Variants in ELOVL2 observed in about 807,000 individuals in gnomAD.
ELOVL2 encodes ELOVL fatty acid elongase 2.
Under a neutral mutation model 37.7 loss-of-function variants are expected in ELOVL2, and 38 were observed. The observed-to-expected ratio is 1.01, with a 90% CI of 0.78 to 1.32. The LOEUF is 1.32. Among genes scored for constraint, ELOVL2 ranks in the 40% most tolerant of loss-of-function variants. ELOVL2 has a pLI of 0.00. For missense variants in ELOVL2, 352 were observed against 363.6 expected (o/e 0.97, Z 0.26); for synonymous variants, 115 against 122.3 (o/e 0.94, Z 0.40).
chr6:11,007,837 C>T (rs1003185010), intron 2 of ELOVL2, among the ~76,000 whole-genome samples: 1 of 152,192 alleles, frequency 6.6e-6, no homozygotes, highest in African/African-American at 2.4e-5. Flanking sequence ...TATCCATTGG[C>T]ACATTGAGTC....
At chr6:11,040,774 G>A (rs1561731224) in intron 1 of ELOVL2, among the ~76,000 whole-genome samples, 2 of 151,932 alleles carry the variant, frequency 1.3e-5, no homozygotes, top group Non-Finnish European at 2.9e-5. Flanking sequence ...ACACATAAAG[G>A]GCACCATCAT....
chr6:11,011,973 T>C (rs58103768), intron 1 of ELOVL2, among the ~76,000 whole-genome samples: 12,666 of 152,174 alleles, frequency 0.083, 1,678 homozygotes, highest in African/African-American at 0.28. Flanking sequence ...ATATGGAGCA[T>C]GCATTAGATT....
chr6:11,036,305 C>G (rs1254536680), intron 1 of ELOVL2, among the ~76,000 whole-genome samples: 1 of 152,140 alleles, frequency 6.6e-6, no homozygotes, highest in Non-Finnish European at 1.5e-5. Flanking sequence ...AACAGAGAAA[C>G]ATGGCTTCCA....
intron 2 of ELOVL2, among the ~76,000 whole-genome samples, chr6:11,007,840 A>G (rs1782506046): frequency 6.6e-6 from 1 of 152,228 alleles, no homozygotes; most frequent in Non-Finnish European, 1.5e-5. Flanking sequence ...CCATTGGCAC[A>G]TTGAGTCAAG....
At chr6:11,013,408 CACAAAGTCCTAG>C (rs1490269334) in intron 1 of ELOVL2, among the ~76,000 whole-genome samples, 2 of 152,180 alleles carry the variant, frequency 1.3e-5, no homozygotes, top group East Asian at 3.9e-4. Context: ...GAGCTTGGAC[CACAAAGTCCTAG>C]CTGCACACTA....
chr6:10,991,104 G>C (rs1458189885), intron 5 of ELOVL2, among the ~76,000 whole-genome samples: 5 of 152,218 alleles, frequency 3.3e-5, no homozygotes, highest in East Asian at 1.9e-4. Flanking sequence ...AAACGTCTCT[G>C]TAACTGCCTC....
At chr6:11,010,719 C>A in intron 2 of ELOVL2, 27 bp downstream of exon 2, 1 of 1,578,442 alleles carries the variant, frequency 6.3e-7, no homozygotes, top group Non-Finnish European at 8.7e-7. Context: ...GTTCCTTCCA[C>A]ATTAAGTTCT....
chr6:11,000,484 T>C (rs1782361804), intron 3 of ELOVL2, among the ~76,000 whole-genome samples: 1 of 152,240 alleles, frequency 6.6e-6, no homozygotes, highest in Non-Finnish European at 1.5e-5. Context: ...ACAAGTGTAA[T>C]GTAGAATTAG....
chr6:11,033,188 GT>G (rs1782959013), intron 1 of ELOVL2, among the ~76,000 whole-genome samples: 2 of 151,900 alleles, frequency 1.3e-5, no homozygotes, highest in African/African-American at 4.8e-5. Flanking sequence ...CACTTATTTA[GT>G]TTTTTACTCC....
intron 1 of ELOVL2, among the ~76,000 whole-genome samples, chr6:11,017,520 C>T (rs1365147452): frequency 6.6e-6 from 1 of 152,104 alleles, no homozygotes; most frequent in African/African-American, 2.4e-5. Flanking sequence ...CAGGACAGTC[C>T]CATTCAATTA....
In ELOVL2 at chr6:10,983,575, GGAGGTGAGCATCA is replaced by G. The variant is rs1781984515; in HGVS notation, c.*193_*205del. ...AAGCTGCACCAGTTCTGAGGTCCTCGGAGGTGAGCATCACCTCAATGCTGATCAAAGCATTCAG... is the reference window on the plus strand; with the variant it reads ...AAGCTGCACCAGTTCTGAGGTCCTCGCCTCAATGCTGATCAAAGCATTCAG... On this transcript the variant is annotated 3_prime_UTR_variant, in exon 8 of 8. Transcript: ENST00000354666. The G allele has an allele frequency of 2.2e-6, 1 of 464,208 alleles. No homozygotes were observed. Among genetic ancestry groups the G allele is most frequent in the East Asian group, 4.1e-5 (1 of 24,248 alleles). 28.8% of individuals were successfully genotyped at this position (464,208 alleles called of 1,614,324 possible).
Position 11,005,450 on chromosome 6 carries a change from T to C in ELOVL2, c.177A>G (p.Arg59=), listed in dbSNP as rs771483837. 2 of 1,613,912 alleles carry C rather than the reference T, an allele frequency of 1.2e-6. No homozygotes were observed. Among genetic ancestry groups the C allele is most frequent in the Non-Finnish European group, 1.7e-6 (2 of 1,179,834 alleles). Residue 59 remains arginine (R), a synonymous_variant, in exon 3 of 8, where the codon AGA becomes AGG. Transcript: ENST00000354666. The stretch of plus-strand genomic sequence containing the variant: ...GGATACCCCTGAGAGAAAGAGCAGG[T>C]CTGTTCTTCATATACTTGTTACCCA... ...IWLGNKYMKN[R]PALSLRGILT... is the part of the protein sequence containing the mutation.
intron 2 of ELOVL2, among the ~76,000 whole-genome samples, chr6:11,010,265 G>A (rs571394227): frequency 9.2e-5 from 14 of 151,998 alleles, no homozygotes; most frequent in Admixed American, 3.3e-4. Flanking sequence ...CTCATGATCC[G>A]CCCACCTCAG....
intron 1 of ELOVL2, among the ~76,000 whole-genome samples, chr6:11,018,762 T>G (rs991598044): frequency 2.0e-5 from 3 of 152,228 alleles, no homozygotes. Flanking sequence ...GTGTTTCTAT[T>G]ACAAAAATAC....
intron 1 of ELOVL2, among the ~76,000 whole-genome samples, chr6:11,012,927 A>G (rs1275189841): frequency 6.6e-6 from 1 of 152,240 alleles, no homozygotes. Context: ...CTTAAATATT[A>G]TAAGAGATGT....
chr6:11,003,618 T>C (rs918975878), intron 3 of ELOVL2, among the ~76,000 whole-genome samples: 3 of 152,218 alleles, frequency 2.0e-5, no homozygotes, highest in African/African-American at 7.2e-5. Flanking sequence ...CTGTCACTTA[T>C]GGAAAACAAT....
intron 1 of ELOVL2, among the ~76,000 whole-genome samples, chr6:11,033,495 G>A (rs1366021152): frequency 6.6e-6 from 1 of 152,216 alleles, no homozygotes; most frequent in Non-Finnish European, 1.5e-5. Context: ...GCAATTTGAT[G>A]TAGGTGGTTG....
chr6:10,996,472 A>T (rs1010363527), intron 4 of ELOVL2, among the ~76,000 whole-genome samples: 21 of 152,030 alleles, frequency 1.4e-4, no homozygotes, highest in Non-Finnish European at 2.5e-4. Flanking sequence ...GTTAAAGACC[A>T]TCCTGGCTAA....
chr6:11,034,271 T>C (rs1035442746), intron 1 of ELOVL2, among the ~76,000 whole-genome samples: 6 of 152,206 alleles, frequency 3.9e-5, no homozygotes, highest in African/African-American at 1.4e-4. Context: ...TTGTTCTCTA[T>C]TACCTACAAA....
Sources: allele counts gnomAD v4.1 joint callset (sites outside exome capture counted in the v4.1 genomes callset), GRCh38; gene constraint gnomAD v4.1.1; transcripts MANE v1.5; gene names NCBI Gene and HGNC (gene_info 2026-07-23, HGNC 2026-07-21).